The following ANKFN1 variants were observed in gnomAD, a reference collection of about 807,000 sequenced individuals.
ANKFN1 encodes ankyrin repeat and fibronectin type III domain containing 1, also known as ankyrin repeat and fibronectin type-III domain-containing protein 1.
ANKFN1 carries 74 observed loss-of-function variants against 108.7 expected under a neutral mutation model. The ratio of observed to expected loss-of-function variants is 0.68; its 90% CI spans 0.56 to 0.83. The LOEUF is 0.83. Among genes scored for constraint, ANKFN1 ranks in the 40% least tolerant of loss-of-function variants. ANKFN1 has a pLI of 0.00. For missense variants in ANKFN1, 1,505 were observed against 1,382.3 expected (o/e 1.09, Z -1.41); for synonymous variants, 547 against 516.2 (o/e 1.06, Z -0.81).
At position 56,493,151 on chromosome 17, in the gene ANKFN1, A is replaced by G. The variant is rs192066714; in HGVS notation, c.2427+798A>G. ...TGCGAGACATAAAGTTGAATTAGAC[A>G]TGGTCTCTGATCTTAAGGAGTTTCA... is the stretch of plus-strand genomic sequence containing the variant. On this transcript the variant is annotated intron_variant, in intron 19 of 20. Coordinates refer to ENST00000682825, the MANE Select transcript of ANKFN1 (RefSeq NM_001370326.1). Among the ~76,000 whole-genome samples the G allele has an allele frequency of 1.9e-4, 29 of 152,316 alleles. No homozygotes were observed. The East Asian group carries it at 3.3e-3, about 17-fold the overall frequency.
At chr17:56,443,616 A>G (rs9915352) in intron 10 of ANKFN1, among the ~76,000 whole-genome samples, 1,981 of 152,326 alleles carry the variant, frequency 0.013, 45 homozygotes, top group African/African-American at 0.044. Flanking sequence ...TCAGAAAAAA[A>G]GCTTTCTTAC....
chr17:56,174,088 C>A, intron 1 of ANKFN1: 1 of 814,918 alleles, frequency 1.2e-6, no homozygotes, highest in Non-Finnish European at 1.5e-6. Context: ...CCATTGCTGC[C>A]TTCCAAGAAT....
chr17:56,481,426 G>T (rs1452497455), intron 17 of ANKFN1, among the ~76,000 whole-genome samples: 2 of 151,966 alleles, frequency 1.3e-5, no homozygotes, highest in Non-Finnish European at 2.9e-5. Context: ...TTAACATGAG[G>T]TAGCATTATT....
At chr17:56,171,581 A>G (rs1910699232) in intron 1 of ANKFN1, among the ~76,000 whole-genome samples, 1 of 152,182 alleles carries the variant, frequency 6.6e-6, no homozygotes, top group Non-Finnish European at 1.5e-5. Flanking sequence ...GGGTGAACAG[A>G]AGGGGAAAAA....
intron 3 of ANKFN1, among the ~76,000 whole-genome samples, chr17:56,240,526 C>A (rs1278830588): frequency 2.6e-5 from 4 of 152,038 alleles, no homozygotes; most frequent in Non-Finnish European, 5.9e-5. Context: ...TGTACCTGGG[C>A]AGAATTTTCT....
At chr17:56,435,137 T>G (rs1251843904) in intron 8 of ANKFN1, among the ~76,000 whole-genome samples, 4 of 152,180 alleles carry the variant, frequency 2.6e-5, no homozygotes, top group Non-Finnish European at 5.9e-5. Context: ...TTTGACTTTT[T>G]TCCCTCCGTT....
intron 14 of ANKFN1, among the ~76,000 whole-genome samples, chr17:56,459,401 G>A (rs779564209): frequency 1.3e-5 from 2 of 152,076 alleles, no homozygotes; most frequent in African/African-American, 4.8e-5. Flanking sequence ...ATGAGCCACC[G>A]TGCCTGGCCT....
intron 4 of ANKFN1, among the ~76,000 whole-genome samples, chr17:56,061,514 C>G (rs376343201): frequency 5.3e-5 from 8 of 152,052 alleles, no homozygotes; most frequent in Non-Finnish European, 8.8e-5. Context: ...CTCAGGTGAT[C>G]TGCCCACCTT....
At position 56,315,138 on chromosome 17, in the gene ANKFN1, T is replaced by C. The variant is rs1459954006; in HGVS notation, c.54-11083T>C. The stretch of plus-strand genomic sequence containing the variant: ...AATTTCTCCTGTCCATATGCCACAT[T>C]GCAGTAAGTTAATGTTTGCTTAATG... On this transcript the variant is annotated intron_variant, in intron 3 of 20. Coordinates refer to ENST00000682825, the MANE Select transcript of ANKFN1 (RefSeq NM_001370326.1). 3.3e-5 allele frequency among the ~76,000 whole-genome samples: 5 copies of C among 152,206 alleles called. No homozygotes were observed. In the East Asian group the frequency reaches 7.7e-4, roughly 23 times the overall value.
At chr17:56,200,012 A>G (rs1413917950) in intron 1 of ANKFN1, among the ~76,000 whole-genome samples, 2 of 152,170 alleles carry the variant, frequency 1.3e-5, no homozygotes, top group African/African-American at 2.4e-5. Context: ...TTCATATCCT[A>G]CGAAGCTACT....
chr17:56,466,379 G>T lies in ANKFN1; in HGVS notation c.1581G>T (p.Leu527Phe). Residue 527 changes from leucine to phenylalanine, a missense_variant, in exon 15 of 21, where the codon TTG (leucine) becomes TTT (phenylalanine). Physicochemically the swap from Leu to Phe is conservative, Grantham distance 22. Coordinates refer to ENST00000682825, the MANE Select transcript of ANKFN1 (RefSeq NM_001370326.1). ...QLQNLLGTHN[L>F]GRVYYEPIKD... Reference sequence around the variant, plus strand: ...AGAATTTACTTGGGACACACAACTTGGGAAGAGTTTACTATGAGCCCATTA... The same window carrying T: ...AGAATTTACTTGGGACACACAACTTTGGAAGAGTTTACTATGAGCCCATTA... 2 of 1,614,110 alleles carry T rather than the reference G, an allele frequency of 1.2e-6. No homozygotes were observed. The highest frequency in any genetic ancestry group is 1.7e-6 in the Non-Finnish European group (2 of 1,179,992).
At chr17:56,060,368 A>G (rs1904951837) in intron 4 of ANKFN1, among the ~76,000 whole-genome samples, 1 of 152,198 alleles carries the variant, frequency 6.6e-6, no homozygotes, top group African/African-American at 2.4e-5. Flanking sequence ...AAATCATGTC[A>G]TCTGCAAACA....
chr17:56,450,569 A>G (rs1311958153), intron 11 of ANKFN1, among the ~76,000 whole-genome samples: 1 of 152,200 alleles, frequency 6.6e-6, no homozygotes, highest in Non-Finnish European at 1.5e-5. Context: ...GACCTTCAGC[A>G]TATTCCACAC....
chr17:56,368,427 C>T (rs927874897), intron 6 of ANKFN1, among the ~76,000 whole-genome samples: 10 of 151,092 alleles, frequency 6.6e-5, no homozygotes, highest in East Asian at 3.9e-4. Flanking sequence ...CTACAGGTGC[C>T]GGTCACCACG....
At chr17:56,302,075 G>A (rs2044684861) in intron 3 of ANKFN1, among the ~76,000 whole-genome samples, 1 of 152,134 alleles carries the variant, frequency 6.6e-6, no homozygotes, top group Non-Finnish European at 1.5e-5. Context: ...GAACTTTATG[G>A]TAAGTATCAT....
At chr17:56,296,967 C>T (rs552502273) in intron 3 of ANKFN1, among the ~76,000 whole-genome samples, 9 of 152,332 alleles carry the variant, frequency 5.9e-5, no homozygotes, top group Non-Finnish European at 1.0e-4. Flanking sequence ...TTACTGGGTT[C>T]ACCCATGGTG....
intron 15 of ANKFN1, among the ~76,000 whole-genome samples, chr17:56,467,783 G>GAAAA (rs1225888511): frequency 4.4e-5 from 1 of 22,866 alleles, no homozygotes; most frequent in African/African-American, 8.2e-5. Context: ...AAGAAAGAAA[G>GAAAA]AAAGAAAGAA....
In ANKFN1 at chr17:56,482,401, C is replaced by T; in HGVS notation, c.2137C>T (p.His713Tyr). Residue 713 changes from histidine to tyrosine, a missense_variant, in exon 18 of 21, where the codon CAC becomes TAC. His to Tyr is a moderately conservative substitution (Grantham distance 83). Coordinates refer to ENST00000682825, the MANE Select transcript of ANKFN1 (RefSeq NM_001370326.1). The part of the protein sequence containing the change: ...LYTQEVLEMG[H>Y]NVSFLLLLPA... The stretch of plus-strand genomic sequence containing the variant: ...CACACAGGAGGTGTTGGAAATGGGT[C>T]ACAATGTGTCCTTTCTTCTCCTGCT... 6.2e-7 allele frequency: 1 copy of T among 1,612,922 alleles called. No individual in the cohort carries two copies.
chr17:56,360,751 T>C (rs1442256180), intron 6 of ANKFN1, among the ~76,000 whole-genome samples: 1 of 152,236 alleles, frequency 6.6e-6, no homozygotes, highest in East Asian at 1.9e-4. Flanking sequence ...CCTAAGTTCA[T>C]GTCACCTATT....
Sources: allele counts gnomAD v4.1 joint callset (sites outside exome capture counted in the v4.1 genomes callset), GRCh38; gene constraint gnomAD v4.1.1; transcripts MANE v1.5; gene names NCBI Gene and HGNC (gene_info 2026-07-23, HGNC 2026-07-21).